MMP1: variants seen among roughly 807,000 people sequenced by gnomAD.
The protein encoded by MMP1 is matrix metallopeptidase 1.
A neutral mutation model predicts 49.6 loss-of-function variants in MMP1; 51 were observed. That is an observed-to-expected ratio of 1.03 (90% CI 0.82 to 1.30). The LOEUF is 1.30. Ranked by LOEUF, MMP1 falls within the 50% of genes most tolerant of loss-of-function variation. The pLI is 0.00. For synonymous variants in MMP1, 230 were observed against 196.8 expected, an observed-to-expected ratio of 1.17 and a Z score of -1.41; for missense variants, 623 against 568.7, an observed-to-expected ratio of 1.10 and a Z score of -0.97.
At chr11:102,792,288 G>A (rs1176145199) in intron 7 of MMP1, among the ~76,000 whole-genome samples, 3 of 152,154 alleles carry the variant, frequency 2.0e-5, no homozygotes, top group Admixed American at 2.0e-4. Flanking sequence ...ATAGTGTCTC[G>A]AGTTTTACTT....
intron 6 of MMP1, among the ~76,000 whole-genome samples, chr11:102,793,988 C>A (rs1441170872): frequency 1.3e-5 from 2 of 152,206 alleles, no homozygotes; most frequent in African/African-American, 4.8e-5. Flanking sequence ...GTCTCCTCGA[C>A]ATGGCGACAT....
chr11:102,797,120 G>T lies in MMP1; in HGVS notation c.393C>A (p.Asp131Glu), dbSNP rs758426948. 7 of 1,614,040 alleles carry T rather than the reference G, an allele frequency of 4.3e-6. No individual in the cohort carries two copies. The highest frequency in any genetic ancestry group is 2.5e-6 in the Non-Finnish European group (3 of 1,180,030). The change falls in exon 3 of 10, where the codon GAC becomes GAA. Residue 131 changes from aspartate (D) to glutamate (E), a missense_variant. Physicochemically the swap from Asp to Glu is conservative, Grantham distance 45. Transcript: ENST00000315274. ...YTPDLPRADVDHAIEKAFQLW... is the reference protein window; with the variant it reads ...YTPDLPRADVEHAIEKAFQLW... ...GTTGGAAGGCTTTCTCAATGGCATG[G>T]TCCACATCTGCTCTTGGCAAATCTG...
chr11:102,791,499 C>T lies in MMP1; in HGVS notation c.1034-4G>A, dbSNP rs757959653. ...TGAACAGCCCAGTACTTATTCCCTG[C>T]CAATCAAGAAAGAGTGATAAAACAC... On this transcript the variant is annotated splice_region_variant and splice_polypyrimidine_tract_variant and intron_variant, in intron 7 of 9. Coordinates refer to ENST00000315274, the MANE Select transcript of MMP1 (RefSeq NM_002421.4). 15 of 1,611,212 alleles carry T rather than the reference C, an allele frequency of 9.3e-6. No homozygotes were observed. Among genetic ancestry groups the T allele is most frequent in the Non-Finnish European group, 1.3e-5 (15 of 1,178,952 alleles).
Position 102,794,319 on chromosome 11 carries a change from C to T in MMP1, c.899+855G>A, listed in dbSNP as rs968128228. Among the ~76,000 whole-genome samples the T allele has an allele frequency of 6.6e-6, 1 of 152,204 alleles. No individual in the cohort carries two copies. Among genetic ancestry groups the T allele is most frequent in the African/African-American group, 2.4e-5 (1 of 41,444 alleles). ...CAGAGAATGAGCCTTTCAGGCCACC[C>T]TGAATTTCTATGTGTTGATCTTTCT... On this transcript the variant is annotated intron_variant, in intron 6 of 9. Transcript: ENST00000315274. This position sits in a 1 kb window ranked among gnomAD's most constrained non-coding sequence, Gnocchi z 4.3.
Position 102,797,049 on chromosome 11 carries a change from C to G in MMP1, c.464G>C (p.Gly155Ala). 6.2e-7 allele frequency: 1 copy of G among 1,614,048 alleles called. No homozygotes were observed. Among genetic ancestry groups the G allele is most frequent in the Non-Finnish European group, 8.5e-7 (1 of 1,179,990 alleles). The change falls in exon 3 of 10, where the codon GGT becomes GCT. Residue 155 changes from glycine to alanine, a missense_variant. Coordinates refer to ENST00000315274, the MANE Select transcript of MMP1 (RefSeq NM_002421.4). Reference protein sequence around the residue: ...TPLTFTKVSEGQADIMISFVR... With the variant: ...TPLTFTKVSEAQADIMISFVR... ...AAAAGATATCATGATGTCTGCTTGA[C>G]CCTCAGAGACCTTGGTGAATGTCAG... is the stretch of plus-strand genomic sequence containing the variant.
rs1858066313 is a variant in MMP1, at chr11:102,792,743, T to C, written c.900-5A>G. The stretch of plus-strand genomic sequence containing the variant: ...GGATTTGTGCGCATGTAGAATCTGA[T>C]TAGAAAAAAAGCAAGAAAAGTTTCC... On this transcript the variant is annotated splice_region_variant and splice_polypyrimidine_tract_variant and intron_variant, in intron 6 of 9. Coordinates refer to ENST00000315274, the MANE Select transcript of MMP1 (RefSeq NM_002421.4). 1.9e-6 allele frequency: 3 copies of C among 1,593,710 alleles called. No individual in the cohort carries two copies. The highest frequency in any genetic ancestry group is 2.6e-6 in the Non-Finnish European group (3 of 1,168,694).
chr11:102,798,105 C>T lies in MMP1; in HGVS notation c.-13G>A, dbSNP rs1392628758. On this transcript the variant is annotated 5_prime_UTR_variant, in exon 1 of 10. Transcript: ENST00000315274. ...GAAAGCTGTGCATACTGGCCTTTGT[C>T]TTCTTTCTCAGTGCAAGGTAAGTGA... 1 of 1,600,578 alleles carries T rather than the reference C, an allele frequency of 6.2e-7. No individual in the cohort carries two copies. The highest frequency in any genetic ancestry group is 1.3e-5 in the African/African-American group (1 of 74,656).
At position 102,790,232 on chromosome 11, in the gene MMP1, C is replaced by A; in HGVS notation, c.*180G>T. ...CACCATTTGTGGAACTAAATTATAT[C>A]AGTACAAAAAGGGCTACATTCTAAA... is the stretch of plus-strand genomic sequence containing the variant. On this transcript the variant is annotated 3_prime_UTR_variant, in exon 10 of 10. Transcript: ENST00000315274. 2.3e-6 allele frequency: 1 copy of A among 438,246 alleles called. No individual in the cohort carries two copies. The highest frequency in any genetic ancestry group is 4.0e-6 in the Non-Finnish European group (1 of 246,996). 27.1% of individuals were successfully genotyped at this position (438,246 alleles called of 1,614,324 possible).
chr11:102,792,732 G>A lies in MMP1; in HGVS notation c.906C>T (p.Tyr302=). The A allele has an allele frequency of 1.2e-6, 2 of 1,608,610 alleles. No homozygotes were observed. The highest frequency in any genetic ancestry group is 8.5e-7 in the Non-Finnish European group (1 of 1,177,530). Residue 302 remains tyrosine, a synonymous_variant, in exon 7 of 10, where the codon TAC becomes TAT. Transcript: ENST00000315274. ...GEVMFFKDRF[Y]MRTNPFYPEV... is the part of the protein sequence containing the mutation. ...CCGGGTAGAAGGGATTTGTGCGCAT[G>A]TAGAATCTGATTAGAAAAAAAGCAA...
chr11:102,796,550 G>T, intron 4 of MMP1, 114 bp downstream of exon 4: 1 of 1,228,348 alleles, frequency 8.1e-7, no homozygotes, highest in Non-Finnish European at 1.1e-6. Context: ...TTTTCTGAGT[G>T]GTAATAGAAA....
rs1419670209 is a variant in MMP1, at chr11:102,793,621, C to A, written c.900-883G>T. Among the ~76,000 whole-genome samples, 11 of 152,272 alleles carry A rather than the reference C, an allele frequency of 7.2e-5. No individual in the cohort carries two copies. The East Asian group carries it at 1.9e-3, about 27-fold the overall frequency. ...ATCAGACCTTATCACAAGGACACTA[C>A]AAGAGAGTATTTGAGGATGAGAAAT... On this transcript the variant is annotated intron_variant, in intron 6 of 9. Coordinates refer to ENST00000315274, the MANE Select transcript of MMP1 (RefSeq NM_002421.4).
chr11:102,796,797 A>C lies in MMP1; in HGVS notation c.500-8T>G. 1.9e-6 allele frequency: 3 copies of C among 1,611,310 alleles called. No homozygotes were observed. Among genetic ancestry groups the C allele is most frequent in the Non-Finnish European group, 2.5e-6 (3 of 1,179,192 alleles). On this transcript the variant is annotated splice_region_variant and splice_polypyrimidine_tract_variant and intron_variant, in intron 3 of 9. Coordinates refer to ENST00000315274, the MANE Select transcript of MMP1 (RefSeq NM_002421.4). ...GAGAGTTGTCCCGATGATCTGAAAGAAACAATTCAACAAAGATTCCTTGTG... is the reference window on the plus strand; with the variant it reads ...GAGAGTTGTCCCGATGATCTGAAAGCAACAATTCAACAAAGATTCCTTGTG...
At chr11:102,795,360 G>T in intron 5 of MMP1, 69 bp from the exon 6 acceptor site, 1 of 1,595,382 alleles carries the variant, frequency 6.3e-7, no homozygotes, top group Admixed American at 1.7e-5. Context: ...AATGAAGACA[G>T]CTTCTTCAAG....
rs368255929 is a variant in MMP1 at position 102,797,215 on chromosome 11, A to T, written c.350+41T>A. ...TTGGACATGACTTCTTACCACTGTC[A>T]TGGGAAATAGCTCTCTCACTCTGGC... On this transcript the variant is annotated intron_variant, in intron 2 of 9. Transcript: ENST00000315274. 9 of 1,613,492 alleles carry T rather than the reference A, an allele frequency of 5.6e-6. No individual in the cohort carries two copies. In the African/African-American group the frequency reaches 1.1e-4, roughly 19 times the overall value.
chr11:102,797,519 C>G lies in MMP1; in HGVS notation c.106-19G>C. The G allele has an allele frequency of 1.9e-6, 3 of 1,612,634 alleles. No homozygotes were observed. The highest frequency in any genetic ancestry group is 2.5e-6 in the Non-Finnish European group (3 of 1,179,110). ...GGTATTTCTGACAAAAGAAAATTATCGAAACACTGCATGGGAAATCTTTCT... is the reference window on the plus strand; with the variant it reads ...GGTATTTCTGACAAAAGAAAATTATGGAAACACTGCATGGGAAATCTTTCT... On this transcript the variant is annotated intron_variant, in intron 1 of 9. Transcript: ENST00000315274.
In MMP1 at chr11:102,794,645, A is replaced by G. The variant is rs1459453715; in HGVS notation, c.899+529T>C. On this transcript the variant is annotated intron_variant, in intron 6 of 9. Coordinates refer to ENST00000315274, the MANE Select transcript of MMP1 (RefSeq NM_002421.4). This position sits in a 1 kb window ranked among gnomAD's most constrained non-coding sequence, Gnocchi z 4.3. The stretch of plus-strand genomic sequence containing the variant: ...TTCTTCTCTGGGCCTCCAGGGGGCA[A>G]CAGAGACCCTTCAAGTTAATAGGCT... Among the ~76,000 whole-genome samples the G allele has an allele frequency of 6.6e-6, 1 of 152,194 alleles. No homozygotes were observed. Among genetic ancestry groups the G allele is most frequent in the African/African-American group, 2.4e-5 (1 of 41,444 alleles).
chr11:102,792,044 CAA>C (rs1858045450), intron 7 of MMP1, among the ~76,000 whole-genome samples: 1 of 152,132 alleles, frequency 6.6e-6, no homozygotes, highest in Admixed American at 6.5e-5. Context: ...ATACTAAAGC[CAA>C]GATTTCTGTT....
At chr11:102,797,689 A>G (rs1298731498) in intron 1 of MMP1, among the ~76,000 whole-genome samples, 189 bp from the exon 2 acceptor site, 1 of 152,186 alleles carries the variant, frequency 6.6e-6, no homozygotes, top group Non-Finnish European at 1.5e-5. Flanking sequence ...ACTATTAGTT[A>G]TTGTGAAGTA....
rs780055797 is a variant in MMP1, at chr11:102,798,103, G to C, written c.-11C>G. The C allele has an allele frequency of 1.9e-5, 31 of 1,601,518 alleles. No individual in the cohort carries two copies. Among genetic ancestry groups the C allele is most frequent in the Non-Finnish European group, 2.6e-5 (31 of 1,177,760 alleles). On this transcript the variant is annotated 5_prime_UTR_variant, in exon 1 of 10. Coordinates refer to ENST00000315274, the MANE Select transcript of MMP1 (RefSeq NM_002421.4). The stretch of plus-strand genomic sequence containing the variant: ...AGGAAAGCTGTGCATACTGGCCTTT[G>C]TCTTCTTTCTCAGTGCAAGGTAAGT...
Sources: allele counts gnomAD v4.1 joint callset (sites outside exome capture counted in the v4.1 genomes callset), GRCh38; gene constraint gnomAD v4.1.1; non-coding constraint Gnocchi (gnomAD v3.1); transcripts MANE v1.5; gene names NCBI Gene and HGNC (gene_info 2026-07-23, HGNC 2026-07-21).